Variants in ANKRD28 observed in about 807,000 individuals in gnomAD.
ANKRD28 encodes ankyrin repeat domain 28, also known as serine/threonine-protein phosphatase 6 regulatory ankyrin repeat subunit A.
ANKRD28 carries 44 observed loss-of-function variants against 126.5 expected under a neutral mutation model. The observed-to-expected ratio is 0.35, with a 90% CI of 0.27 to 0.45. The LOEUF (loss-of-function observed/expected upper bound fraction) is 0.45, where lower values mean the gene tolerates loss of function less well. Among genes scored for constraint, ANKRD28 ranks in the 20% least tolerant of loss-of-function variants. ANKRD28 has a pLI of 1.00. For synonymous variants in ANKRD28, 442 were observed against 468.5 expected, an observed-to-expected ratio of 0.94 and a Z score of 0.73; for missense variants, 1,110 against 1,316.6, an observed-to-expected ratio of 0.84 and a Z score of 2.43.
At chr3:15,826,738 G>A (rs879749793) in intron 1 of ANKRD28, among the ~76,000 whole-genome samples, 2 of 152,188 alleles carry the variant, frequency 1.3e-5, no homozygotes, top group Non-Finnish European at 2.9e-5. Flanking sequence ...ATTGGTCTGA[G>A]TGTAGAAGAT....
chr3:15,744,792 G>C (rs2125282297), intron 4 of ANKRD28, among the ~76,000 whole-genome samples: 1 of 152,178 alleles, frequency 6.6e-6, no homozygotes, highest in East Asian at 1.9e-4. Flanking sequence ...TCAAATGGTA[G>C]ATTTAGTTCT....
chr3:15,738,287 C>T (rs1298397739), intron 4 of ANKRD28, among the ~76,000 whole-genome samples: 1 of 151,990 alleles, frequency 6.6e-6, no homozygotes, highest in Non-Finnish European at 1.5e-5. Context: ...TCTGGGGAGA[C>T]ATCACATGCC....
In ANKRD28 at chr3:15,686,093, T is replaced by C. The variant is rs752819804; in HGVS notation, c.2078A>G (p.Asn693Ser). 23 of 1,613,376 alleles carry C rather than the reference T, an allele frequency of 1.4e-5. No individual in the cohort carries two copies. The highest frequency in any genetic ancestry group is 3.3e-5 in the Admixed American group (2 of 59,938). ...TGAGTAAACACAGTCTGTGTGCCCG[T>C]TGAGAACAGATAGCATCAGAGGCGT... ...GQTPLMLSVL[N>S]GHTDCVYSLL... The change falls in exon 20 of 28, where the codon AAC becomes AGC. Residue 693 changes from asparagine to serine, a missense_variant. Transcript: ENST00000683139.
intron 6 of ANKRD28, among the ~76,000 whole-genome samples, chr3:15,727,664 T>C (rs2074279508): frequency 6.6e-6 from 1 of 151,184 alleles, no homozygotes; most frequent in African/African-American, 2.4e-5. Context: ...TTGGAAGAAG[T>C]TGATTCCAAC....
intron 4 of ANKRD28, among the ~76,000 whole-genome samples, chr3:15,745,790 T>A (rs1431985800): frequency 6.6e-6 from 1 of 152,208 alleles, no homozygotes; most frequent in Non-Finnish European, 1.5e-5. Context: ...AATTTGTAGA[T>A]TGCTTTTGGC....
chr3:15,857,083 T>C (rs2061789307), intron 1 of ANKRD28, among the ~76,000 whole-genome samples: 1 of 152,242 alleles, frequency 6.6e-6, no homozygotes, highest in African/African-American at 2.4e-5. Context: ...ATTTGCTTTC[T>C]ATTTCATTTT....
intron 2 of ANKRD28, among the ~76,000 whole-genome samples, chr3:15,785,356 C>T (rs2059726851): frequency 6.6e-6 from 1 of 151,950 alleles, no homozygotes; most frequent in Non-Finnish European, 1.5e-5. Flanking sequence ...CAAAGAAATC[C>T]CAAAACCTAA....
At position 15,686,236 on chromosome 3, in the gene ANKRD28, T is replaced by C. The variant is rs2068112122; in HGVS notation, c.2037A>G (p.Gln679=). The change falls in exon 19 of 28, where the codon CAA becomes CAG. Residue 679 remains glutamine (Q), a synonymous_variant. Coordinates refer to ENST00000683139, the MANE Select transcript of ANKRD28 (RefSeq NM_001349278.2). ...TCGAAACTTACTGTCCATTTCCATCTTGAATATCCACTGCATTCTGTGGTT... is the reference window on the plus strand; with the variant it reads ...TCGAAACTTACTGTCCATTTCCATCCTGAATATCCACTGCATTCTGTGGTT... ...NAEPQNAVDI[Q]DGNGQTPLML... 2 of 1,592,702 alleles carry C rather than the reference T, an allele frequency of 1.3e-6. No individual in the cohort carries two copies. Among genetic ancestry groups the C allele is most frequent in the Non-Finnish European group, 1.7e-6 (2 of 1,168,160 alleles).
chr3:15,677,393 G>T, intron 25 of ANKRD28, 87 bp downstream of exon 25: 1 of 940,514 alleles, frequency 1.1e-6, no homozygotes, highest in Non-Finnish European at 1.7e-6. Flanking sequence ...GTTTGGTCCT[G>T]AGTTGTTCAT....
chr3:15,845,389 C>T lies in ANKRD28; in HGVS notation c.27+13988G>A, dbSNP rs1192542558. Among the ~76,000 whole-genome samples, 1 of 151,962 alleles carries T rather than the reference C, an allele frequency of 6.6e-6. No individual in the cohort carries two copies. Among genetic ancestry groups the T allele is most frequent in the East Asian group, 1.9e-4 (1 of 5,184 alleles). On this transcript the variant is annotated intron_variant, in intron 1 of 27. Coordinates refer to the ANKRD28 transcript ENST00000399451. The surrounding 1 kb of genome is among the most constrained non-coding windows in gnomAD (Gnocchi z 4.9). ...ATTGGGAAATACTCCAACTAGGTTCCCTCTTTGTCCTGAGAATGTCTAAAA... is the reference window on the plus strand; with the variant it reads ...ATTGGGAAATACTCCAACTAGGTTCTCTCTTTGTCCTGAGAATGTCTAAAA...
chr3:15,685,244 G>A lies in ANKRD28; in HGVS notation c.2371C>T (p.His791Tyr), dbSNP rs2067976179. ...ACTTAACCATTGTAGCAAGCCCAGTGAAGTGCCGTATATCCATGATTGTCT... is the reference window on the plus strand; with the variant it reads ...ACTTAACCATTGTAGCAAGCCCAGTAAAGTGCCGTATATCCATGATTGTCT... Reference protein sequence around the residue: ...TADNHGYTALHWACYNGHETC... With the variant: ...TADNHGYTALYWACYNGHETC... The change falls in exon 21 of 28, where the codon CAC (histidine) becomes TAC (tyrosine). Residue 791 changes from histidine (H) to tyrosine (Y), a missense_variant. Transcript: ENST00000683139. 2.5e-6 allele frequency: 4 copies of A among 1,613,850 alleles called. No individual in the cohort carries two copies. Among genetic ancestry groups the A allele is most frequent in the Non-Finnish European group, 3.4e-6 (4 of 1,179,862 alleles).
At chr3:15,766,016 C>T (rs192842829) in intron 3 of ANKRD28, among the ~76,000 whole-genome samples, 4 of 152,142 alleles carry the variant, frequency 2.6e-5, no homozygotes, top group Admixed American at 2.0e-4. Context: ...GTATAAGCTA[C>T]AAGAGGGCAG....
chr3:15,706,496 A>G (rs2071433626), intron 14 of ANKRD28, among the ~76,000 whole-genome samples: 1 of 152,080 alleles, frequency 6.6e-6, no homozygotes. Context: ...TCATTGATGG[A>G]CATTTGGGGT....
chr3:15,850,224 T>TGTATATATATATAG (rs2061617450), intron 1 of ANKRD28, among the ~76,000 whole-genome samples: 1 of 35,112 alleles, frequency 2.8e-5, no homozygotes. Context: ...TATATATATA[T>TGTATATATATATAG]AGAGAGAGAG....
chr3:15,797,487 G>A lies in ANKRD28; in HGVS notation c.-966C>T. ...ATGGTGTTAGTGGAGAATCCTAGTAGAACAAGCAGGCTGTGAAGGAATTAG... is the reference window on the plus strand; with the variant it reads ...ATGGTGTTAGTGGAGAATCCTAGTAAAACAAGCAGGCTGTGAAGGAATTAG... On this transcript the variant is annotated 5_prime_UTR_variant, in exon 1 of 28. Coordinates refer to ENST00000683139, the MANE Select transcript of ANKRD28 (RefSeq NM_001349278.2). 7 of 984,326 alleles carry A rather than the reference G, an allele frequency of 7.1e-6. No homozygotes were observed. The highest frequency in any genetic ancestry group is 8.4e-6 in the Non-Finnish European group (7 of 829,810). The allele number at this position is 984,326 out of a possible 1,614,324, so 61.0% of individuals were successfully genotyped here.
intron 1 of ANKRD28, among the ~76,000 whole-genome samples, chr3:15,813,409 C>CA (rs1210455971): frequency 6.6e-6 from 1 of 151,952 alleles, no homozygotes; most frequent in African/African-American, 2.4e-5. Flanking sequence ...TTAATGAAAC[C>CA]AAAAACAAAT....
intron 1 of ANKRD28, among the ~76,000 whole-genome samples, chr3:15,836,935 C>T (rs1032775930): frequency 6.6e-6 from 1 of 151,830 alleles, no homozygotes; most frequent in Non-Finnish European, 1.5e-5. Context: ...CCAGGCTCTA[C>T]TAAAAATACA....
intron 1 of ANKRD28, among the ~76,000 whole-genome samples, chr3:15,813,251 A>C (rs984630554): frequency 1.3e-5 from 2 of 152,084 alleles, no homozygotes; most frequent in Non-Finnish European, 2.9e-5. Flanking sequence ...CTGTAGTCCC[A>C]GCTACTCGGG....
At chr3:15,743,368 A>C (rs2057237755) in intron 4 of ANKRD28, among the ~76,000 whole-genome samples, 2 of 151,092 alleles carry the variant, frequency 1.3e-5, no homozygotes, top group Admixed American at 1.3e-4. Flanking sequence ...ACAAACAAAC[A>C]AACAAACAAA....
Sources: allele counts gnomAD v4.1 joint callset (sites outside exome capture counted in the v4.1 genomes callset), GRCh38; gene constraint gnomAD v4.1.1; non-coding constraint Gnocchi (gnomAD v3.1); transcripts MANE v1.5; gene names NCBI Gene and HGNC (gene_info 2026-07-23, HGNC 2026-07-21).